Variants in DPH7 observed in about 807,000 individuals in gnomAD.
The protein encoded by DPH7 is diphthamide biosynthesis 7, also known as diphthine methyltransferase.
Under a neutral mutation model 41.7 loss-of-function variants are expected in DPH7, and 44 were observed. That is an observed-to-expected ratio of 1.05 (90% CI 0.83 to 1.36). The LOEUF (loss-of-function observed/expected upper bound fraction) is 1.36, where lower values mean the gene tolerates loss of function less well. DPH7 is among the 40% of genes most tolerant of loss of function. The pLI is 0.00. For missense variants in DPH7, 629 were observed against 577.5 expected, an observed-to-expected ratio of 1.09 and a Z score of -0.91; for synonymous variants, 275 against 238.0, an observed-to-expected ratio of 1.16 and a Z score of -1.43.
Position 137,578,720 on chromosome 9 carries a change from C to T in DPH7, c.58G>A (p.Glu20Lys). ...VDTELTADSVEWCPLQGCRHL... is the reference protein window; with the variant it reads ...VDTELTADSVKWCPLQGCRHL... ...CTGCAGCCTTGCAGCGGGCACCACT[C>T]CACCGAGTCCGCGGTCAGCTCGGTG... is the stretch of plus-strand genomic sequence containing the variant. Residue 20 changes from glutamate (E) to lysine (K), a missense_variant, in exon 1 of 9, where the codon GAG becomes AAG. Coordinates refer to ENST00000277540, the MANE Select transcript of DPH7 (RefSeq NM_138778.5). 6.5e-7 allele frequency: 1 copy of T among 1,529,320 alleles called. No homozygotes were observed. The highest frequency in any genetic ancestry group is 8.8e-7 in the Non-Finnish European group (1 of 1,139,276). 94.7% of individuals were successfully genotyped at this position (1,529,320 alleles called of 1,614,324 possible).
intron 5 of DPH7, among the ~76,000 whole-genome samples, chr9:137,573,514 A>T (rs1205164455): frequency 4.3e-5 from 6 of 139,652 alleles, no homozygotes; most frequent in Admixed American, 1.5e-4. Context: ...CCATCTCTCT[A>T]AAAAAAAAAC....
At chr9:137,572,433 C>T (rs184320634) in intron 5 of DPH7, among the ~76,000 whole-genome samples, 72 of 152,182 alleles carry the variant, frequency 4.7e-4, no homozygotes, top group Non-Finnish European at 8.8e-4. Flanking sequence ...GAGTGAGATG[C>T]GATAAAGTGT....
At position 137,556,031 on chromosome 9, in the gene DPH7, A is replaced by G. The variant is rs1378681572; in HGVS notation, c.950-383T>C. ...TCTGAGGAACAGGCAGCATGTGTACAGCAGAGGTGAGAAAGTCCAAGGCTC... is the reference window on the plus strand; with the variant it reads ...TCTGAGGAACAGGCAGCATGTGTACGGCAGAGGTGAGAAAGTCCAAGGCTC... On this transcript the variant is annotated intron_variant, in intron 8 of 8. Coordinates refer to ENST00000277540, the MANE Select transcript of DPH7 (RefSeq NM_138778.5). The surrounding 1 kb of genome is among the most constrained non-coding windows in gnomAD (Gnocchi z 5.2). 6.6e-6 allele frequency among the ~76,000 whole-genome samples: 1 copy of G among 152,324 alleles called. No homozygotes were observed. The highest frequency in any genetic ancestry group is 1.9e-4 in the East Asian group (1 of 5,174).
chr9:137,556,272 G>A lies in DPH7; in HGVS notation c.950-624C>T, dbSNP rs1488983997. Reference sequence around the variant, plus strand: ...CTGCCTCCCAGAGCACACAGCAACAGAGGGAATGACGAGGCGTGGCCAAAC... The same window carrying A: ...CTGCCTCCCAGAGCACACAGCAACAAAGGGAATGACGAGGCGTGGCCAAAC... On this transcript the variant is annotated intron_variant, in intron 8 of 8. Coordinates refer to ENST00000277540, the MANE Select transcript of DPH7 (RefSeq NM_138778.5). The surrounding 1 kb of genome is among the most constrained non-coding windows in gnomAD (Gnocchi z 5.2). Among the ~76,000 whole-genome samples the A allele has an allele frequency of 6.6e-6, 1 of 152,242 alleles. No homozygotes were observed. The highest frequency in any genetic ancestry group is 1.5e-5 in the Non-Finnish European group (1 of 68,052).
chr9:137,574,257 C>A lies in DPH7; in HGVS notation c.591G>T (p.Glu197Asp). 1 of 1,614,148 alleles carries A rather than the reference C, an allele frequency of 6.2e-7. No homozygotes were observed. The highest frequency in any genetic ancestry group is 8.5e-7 in the Non-Finnish European group (1 of 1,180,036). The change falls in exon 5 of 9, where the codon GAG (glutamate) becomes GAT (aspartate). Residue 197 changes from glutamate to aspartate, a missense_variant. Glu to Asp is a conservative substitution (Grantham distance 45). Coordinates refer to ENST00000277540, the MANE Select transcript of DPH7 (RefSeq NM_138778.5). ...KVASWQAHQF[E>D]AWIAAFNYWH... ...AGTAATTGAAAGCAGCAATCCAGGC[C>A]TCGAATTGATGTGCCTGCCATGAGG...
chr9:137,572,820 G>A (rs1840669498), intron 5 of DPH7, among the ~76,000 whole-genome samples: 1 of 152,296 alleles, frequency 6.6e-6, no homozygotes, highest in South Asian at 2.1e-4. Flanking sequence ...CTTTATTTCT[G>A]GAAGATAAAC....
chr9:137,574,477 T>A, intron 4 of DPH7, 97 bp from the exon 5 acceptor site: 2 of 1,321,944 alleles, frequency 1.5e-6, no homozygotes, highest in African/African-American at 1.5e-5. Flanking sequence ...TCCACAGCCC[T>A]GGGATGCGGA....
At chr9:137,563,896 C>T (rs958436046) in intron 8 of DPH7, among the ~76,000 whole-genome samples, 1 of 152,184 alleles carries the variant, frequency 6.6e-6, no homozygotes, top group Non-Finnish European at 1.5e-5. Flanking sequence ...CACCAGGAAT[C>T]CCAGGGACCT....
chr9:137,555,281 G>A lies in DPH7; in HGVS notation c.1317C>T (p.Phe439=), dbSNP rs148301629. 2 of 1,613,570 alleles carry A rather than the reference G, an allele frequency of 1.2e-6. No individual in the cohort carries two copies. The highest frequency in any genetic ancestry group is 1.7e-6 in the Non-Finnish European group (2 of 1,179,704). ...SAFSLLATCS[F]YDHALHLWEW... ...CCCAGAGGTGGAGCGCATGGTCATA[G>A]AAGGAGCAGGTGGCCAGGAGGCTGA... Residue 439 remains phenylalanine (F), a synonymous_variant, in exon 9 of 9, where the codon TTC becomes TTT. Transcript: ENST00000277540.
rs747343271 is a variant in DPH7 at position 137,555,111 on chromosome 9, CTG to C, written c.*126_*127del. On this transcript the variant is annotated 3_prime_UTR_variant, in exon 9 of 9. Transcript: ENST00000277540. The stretch of plus-strand genomic sequence containing the variant: ...GAAGTCAACAGCTTTTCTGACTACA[CTG>C]TGGATTCCATCAGTGCACAGGCACC... 8.3e-7 allele frequency: 1 copy of C among 1,209,498 alleles called. No homozygotes were observed. The highest frequency in any genetic ancestry group is 3.1e-5 in the Admixed American group (1 of 32,242). The allele number at this position is 1,209,498 out of a possible 1,614,324, so 74.9% of individuals were successfully genotyped here.
intron 3 of DPH7, chr9:137,575,532 G>C: frequency 2.0e-6 from 2 of 992,420 alleles, no homozygotes; most frequent in Non-Finnish European, 2.4e-6. Context: ...CCCTCGGTTG[G>C]CCCAGCCCCG....
chr9:137,555,641 C>T lies in DPH7; in HGVS notation c.957G>A (p.Arg319=). The change falls in exon 9 of 9, where the codon AGG becomes AGA. Residue 319 remains arginine, a synonymous_variant. Transcript: ENST00000277540. ...GAGATGTCAGGACCGTCGCCTCCTGCCTCTCCTCTGGAGTGAGAGATGGGA... is the reference window on the plus strand; with the variant it reads ...GAGATGTCAGGACCGTCGCCTCCTGTCTCTCCTCTGGAGTGAGAGATGGGA... ...ILNCQKAMEE[R]QEATVLTSHT... is the part of the protein sequence containing the mutation. 1 of 1,597,474 alleles carries T rather than the reference C, an allele frequency of 6.3e-7. No homozygotes were observed.
intron 3 of DPH7, chr9:137,575,201 A>G: frequency 2.0e-6 from 2 of 1,011,146 alleles, no homozygotes; most frequent in Non-Finnish European, 2.4e-6. Context: ...TTCCCACCCC[A>G]GGCCTCCAGG....
intron 5 of DPH7, among the ~76,000 whole-genome samples, chr9:137,568,347 C>G (rs1345002485): frequency 7.2e-4 from 4 of 5,524 alleles, no homozygotes; most frequent in African/African-American, 5.9e-3. Flanking sequence ...CTGGGTGACT[C>G]TGTCTGTGAG....
chr9:137,564,052 G>A (rs1476411410), intron 8 of DPH7, among the ~76,000 whole-genome samples: 2 of 152,310 alleles, frequency 1.3e-5, no homozygotes, highest in South Asian at 2.1e-4. Flanking sequence ...CTCACAGGGG[G>A]CAGCAGACCA....
rs34721314 is a variant in DPH7, at chr9:137,576,889, C to CA, written c.287+580dup. 5.9e-3 allele frequency among the ~76,000 whole-genome samples: 691 copies of CA among 117,598 alleles called. 9 individuals are homozygous for CA. Among genetic ancestry groups the CA allele is most frequent in the East Asian group, 0.034 (134 of 3,932 alleles). The allele number at this position is 117,598 out of a possible 152,430, so 77.1% of individuals were successfully genotyped here. ...CGGGCGACAGAGCGAGACTCCGTCT[C>CA]AAAAAAAAAAAAAAGAGGCATGGTG... On this transcript the variant is annotated intron_variant, in intron 2 of 8. Coordinates refer to ENST00000277540, the MANE Select transcript of DPH7 (RefSeq NM_138778.5).
intron 5 of DPH7, among the ~76,000 whole-genome samples, chr9:137,572,168 G>A (rs560472220): frequency 4.6e-5 from 7 of 152,156 alleles, no homozygotes; most frequent in Non-Finnish European, 7.3e-5. Context: ...GCTGCTCTGC[G>A]TCAGTCTTCT....
Position 137,565,154 on chromosome 9 carries a change from C to T in DPH7, c.641G>A (p.Gly214Glu). Residue 214 changes from glycine (G) to glutamate (E), a missense_variant and splice_region_variant, in exon 6 of 9, where the codon GGG becomes GAG. Coordinates refer to ENST00000277540, the MANE Select transcript of DPH7 (RefSeq NM_138778.5). ...GCCCCTCAGAAGGCCATCGTCGCCCCCTGTGTGGAGAAAGAGAAGCATCAA... is the reference window on the plus strand; with the variant it reads ...GCCCCTCAGAAGGCCATCGTCGCCCTCTGTGTGGAGAAAGAGAAGCATCAA... ...NYWHPEIVYS[G>E]GDDGLLRGWD... 6.2e-7 allele frequency: 1 copy of T among 1,614,000 alleles called. No homozygotes were observed. The highest frequency in any genetic ancestry group is 8.5e-7 in the Non-Finnish European group (1 of 1,180,002).
intron 8 of DPH7, among the ~76,000 whole-genome samples, chr9:137,561,558 A>C (rs1181245352): frequency 6.6e-6 from 1 of 151,424 alleles, no homozygotes. Context: ...AAAAAAAAAA[A>C]AAAAGCATGA....
Sources: allele counts gnomAD v4.1 joint callset (sites outside exome capture counted in the v4.1 genomes callset), GRCh38; gene constraint gnomAD v4.1.1; non-coding constraint Gnocchi (gnomAD v3.1); transcripts MANE v1.5; gene names NCBI Gene and HGNC (gene_info 2026-07-23, HGNC 2026-07-21).